DTNA: variants seen among roughly 807,000 people sequenced by gnomAD.
The protein encoded by DTNA is dystrophin-related protein 3.
Under a neutral mutation model 100.7 loss-of-function variants are expected in DTNA, and 43 were observed. The observed-to-expected ratio is 0.43, with a 90% CI of 0.33 to 0.55. The LOEUF is 0.55. Among genes scored for constraint, DTNA ranks in the 20% least tolerant of loss-of-function variants. The pLI, the probability that DTNA is intolerant of heterozygous loss-of-function variation, is 0.04. For synonymous variants in DTNA, 349 were observed against 347.9 expected, an observed-to-expected ratio of 1.00 and a Z score of -0.04; for missense variants, 798 against 953.9, an observed-to-expected ratio of 0.84 and a Z score of 2.15.
At chr18:34,546,383 T>C (rs2044779459) in intron 1 of DTNA, among the ~76,000 whole-genome samples, 1 of 152,074 alleles carries the variant, frequency 6.6e-6, no homozygotes. Context: ...GTGAGCCCAA[T>C]CAGTATAGTA....
At chr18:34,502,397 T>C (rs1293894411) in intron 1 of DTNA, among the ~76,000 whole-genome samples, 1 of 152,190 alleles carries the variant, frequency 6.6e-6, no homozygotes, top group East Asian at 1.9e-4. Flanking sequence ...TCTCCTACTT[T>C]TCTTGGAGAA....
chr18:34,685,919 T>C (rs1372242426), intron 1 of DTNA, among the ~76,000 whole-genome samples: 1 of 152,226 alleles, frequency 6.6e-6, no homozygotes, highest in Non-Finnish European at 1.5e-5. Flanking sequence ...GGGAGTTTGC[T>C]CATGATTTGG....
rs979319409 is a variant in DTNA at position 34,523,923 on chromosome 18, T to C, written c.-2+30409T>C. On this transcript the variant is annotated intron_variant, in intron 1 of 19. Transcript: ENST00000283365. ...GGAAACTCTTATGTTTCAAGTGTCT[T>C]GGACATTGATGGAAATTCAGCATCC... Among the ~76,000 whole-genome samples, 6 of 152,282 alleles carry C rather than the reference T, an allele frequency of 3.9e-5. 1 individual carries two copies. The South Asian group carries it at 1.2e-3, about 32-fold the overall frequency.
intron 1 of DTNA, among the ~76,000 whole-genome samples, chr18:34,586,966 G>A (rs943176271): frequency 1.4e-5 from 2 of 146,018 alleles, no homozygotes; most frequent in Non-Finnish European, 3.0e-5. Flanking sequence ...AAAATCTTTA[G>A]TTTTTTTTTT....
chr18:34,593,677 A>G (rs1319149138), intron 1 of DTNA: 2 of 152,118 alleles, frequency 1.3e-5, no homozygotes, highest in Non-Finnish European at 2.9e-5. Flanking sequence ...GATACTTGGT[A>G]TTTTACATTT....
intron 1 of DTNA, among the ~76,000 whole-genome samples, chr18:34,498,561 G>A (rs1048900856): frequency 6.6e-6 from 1 of 151,700 alleles, no homozygotes; most frequent in Non-Finnish European, 1.5e-5. Flanking sequence ...CTTTTCCAGT[G>A]AGAGTTGTAT....
intron 1 of DTNA, among the ~76,000 whole-genome samples, chr18:34,542,401 T>C (rs2044333380): frequency 6.6e-6 from 1 of 152,184 alleles, no homozygotes; most frequent in South Asian, 2.1e-4. Flanking sequence ...GATCAATGTG[T>C]GTGGGTACTG....
chr18:34,788,864 A>G (rs1247349889), intron 3 of DTNA, among the ~76,000 whole-genome samples: 6 of 152,214 alleles, frequency 3.9e-5, no homozygotes, highest in Non-Finnish European at 8.8e-5. Flanking sequence ...CAGATCTTAT[A>G]AATTAGTAGT....
At chr18:34,720,244 A>G (rs2084997726) in intron 1 of DTNA, among the ~76,000 whole-genome samples, 2 of 152,152 alleles carry the variant, frequency 1.3e-5, no homozygotes, top group Admixed American at 6.6e-5. Flanking sequence ...TTTCCCTATA[A>G]TGTGGGCTGG....
rs762872651 is a variant in DTNA at position 34,875,245 on chromosome 18, G to A, written c.1750G>A (p.Gly584Arg). Reference protein sequence around the residue: ...EGLMKLLKTQGAGSPRSSPSH... With the variant: ...EGLMKLLKTQRAGSPRSSPSH... Reference sequence around the variant, plus strand: ...ACCTGCATTGTCTCTCCAGACTCAGGGGGCAGGCTCTCCCCGCTCCTCCCC... The same window carrying A: ...ACCTGCATTGTCTCTCCAGACTCAGAGGGCAGGCTCTCCCCGCTCCTCCCC... Residue 584 changes from glycine to arginine, a missense_variant, in exon 18 of 23, where the codon GGG (glycine) becomes AGG (arginine). Around this residue, in one of 6 missense-constraint regions of DTNA, gnomAD observed 242 missense variants for 238.2 expected, o/e 1.02. Coordinates refer to ENST00000444659, the MANE Select transcript of DTNA (RefSeq NM_001386795.1). 1 of 1,613,828 alleles carries A rather than the reference G, an allele frequency of 6.2e-7. No individual in the cohort carries two copies.
At chr18:34,789,986 GTTAA>G (rs2148959277) in intron 3 of DTNA, among the ~76,000 whole-genome samples, 1 of 152,304 alleles carries the variant, frequency 6.6e-6, no homozygotes, top group Non-Finnish European at 1.5e-5. Flanking sequence ...ATTCAGAGAA[GTTAA>G]TTAGACTGAC....
At chr18:34,679,549 A>G (rs2077805976) in intron 1 of DTNA, 1 of 152,226 alleles carries the variant, frequency 6.6e-6, no homozygotes, top group African/African-American at 2.4e-5. Flanking sequence ...CAAAGAATAT[A>G]GATGGTTTTG....
intron 1 of DTNA, among the ~76,000 whole-genome samples, chr18:34,527,564 C>T: frequency 6.6e-6 from 1 of 151,974 alleles, no homozygotes; most frequent in Admixed American, 6.6e-5. Context: ...ATTTAGAGTT[C>T]CAAAATATGT....
chr18:34,673,032 T>A (rs1388460192), intron 1 of DTNA, among the ~76,000 whole-genome samples: 1 of 152,174 alleles, frequency 6.6e-6, no homozygotes. Flanking sequence ...TGATCTATTT[T>A]TAATAAAACT....
intron 1 of DTNA, among the ~76,000 whole-genome samples, chr18:34,715,742 A>T (rs1163193424): frequency 7.2e-5 from 11 of 152,290 alleles, no homozygotes; most frequent in Middle Eastern, 3.4e-3. Flanking sequence ...CTCCTTCTAG[A>T]ATATGTTATA....
At chr18:34,782,650 T>C (rs1235401190) in intron 3 of DTNA, among the ~76,000 whole-genome samples, 2 of 152,066 alleles carry the variant, frequency 1.3e-5, no homozygotes, top group Non-Finnish European at 2.9e-5. Context: ...TAAAGGCACA[T>C]ACAAGAAAGC....
At chr18:34,582,368 G>A (rs780244450) in intron 1 of DTNA, among the ~76,000 whole-genome samples, 3 of 152,158 alleles carry the variant, frequency 2.0e-5, no homozygotes, top group African/African-American at 4.8e-5. Context: ...CCTTTTGAGC[G>A]GGAAACTCCA....
chr18:34,602,758 T>A (rs1232646656), intron 1 of DTNA, among the ~76,000 whole-genome samples: 1 of 151,464 alleles, frequency 6.6e-6, no homozygotes, highest in Non-Finnish European at 1.5e-5. Context: ...ATACCTGTAA[T>A]CCCAGCACTT....
At chr18:34,722,673 A>G (rs902384680) in intron 1 of DTNA, among the ~76,000 whole-genome samples, 1 of 151,872 alleles carries the variant, frequency 6.6e-6, no homozygotes, top group Non-Finnish European at 1.5e-5. Flanking sequence ...GAACATATTC[A>G]TCACCACCAA....
Sources: gnomAD v4.1 joint callset for allele counts (sites outside exome capture counted in the v4.1 genomes callset) on GRCh38, gnomAD v4.1.1 for gene constraint, gnomAD v4.1.1 regional missense constraint, MANE v1.5 for transcripts, NCBI Gene and HGNC (gene_info 2026-07-23, HGNC 2026-07-21) for gene names.